IRF2BPL: variants seen among roughly 807,000 people sequenced by gnomAD.
IRF2BPL encodes the protein interferon regulatory factor 2 binding protein like, also known as probable E3 ubiquitin-protein ligase IRF2BPL.
Under a neutral mutation model 51.2 loss-of-function variants are expected in IRF2BPL, and 13 were observed. That is an observed-to-expected ratio of 0.25 (90% CI 0.17 to 0.40). IRF2BPL has a LOEUF of 0.40. Ranked by LOEUF, IRF2BPL falls within the 10% of genes least tolerant of loss-of-function variation. IRF2BPL has a pLI of 1.00. For synonymous variants in IRF2BPL, 768 were observed against 509.2 expected (o/e 1.51, Z -6.84); for missense variants, 1,210 against 1,111.8 (o/e 1.09, Z -1.26).
chr14:77,026,144 G>A lies in IRF2BPL; in HGVS notation c.1649C>T (p.Pro550Leu), dbSNP rs1255802573. 6.5e-6 allele frequency: 10 copies of A among 1,539,322 alleles called. No homozygotes were observed. In the Admixed American group the frequency reaches 1.7e-4, roughly 26 times the overall value. The change falls in exon 1 of 1, where the codon CCC becomes CTC. Residue 550 changes from proline (P) to leucine (L), a missense_variant. Coordinates refer to ENST00000238647, the MANE Select transcript of IRF2BPL (RefSeq NM_024496.4). Reference sequence around the variant, plus strand: ...CAGCGCGCCCTCGGCTGAGTCCGGGGGCTCCGGAGAGGCCTTTCTCTTGCG... The same window carrying A: ...CAGCGCGCCCTCGGCTGAGTCCGGGAGCTCCGGAGAGGCCTTTCTCTTGCG... ...SLRKRKASPE[P>L]PDSAEGALKL...
chr14:77,027,344 C>T lies in IRF2BPL; in HGVS notation c.449G>A (p.Gly150Asp). The T allele has an allele frequency of 6.5e-7, 1 of 1,528,670 alleles. No individual in the cohort carries two copies. 94.7% of individuals were successfully genotyped at this position (1,528,670 alleles called of 1,614,324 possible). ...GGCGGCGGCGGCGGCAGCGCTTAGG[C>T]CGTAGCGCTCCAGGCCAGACGGGGC... is the stretch of plus-strand genomic sequence containing the variant. The part of the protein sequence containing the change: ...LAAPSGLERY[G>D]LSAAAAAAAA... The change falls in exon 1 of 1, where the codon GGC becomes GAC. Residue 150 changes from glycine to aspartate, a missense_variant. Physicochemically the swap from Gly to Asp is moderately conservative, Grantham distance 94. Transcript: ENST00000238647.
At position 77,027,283 on chromosome 14, in the gene IRF2BPL, G is replaced by T; in HGVS notation, c.510C>A (p.Arg170=). Residue 170 remains arginine, a synonymous_variant, in exon 1 of 1, where the codon CGC becomes CGA. Transcript: ENST00000238647. ...TCACCGGCGGTGGCGGGTACTCGAA[G>T]CGGCTGCGCTGTTCCACCGCAGCGG... ...AAAAAVEQRS[R]FEYPPPPVSL... 6.4e-7 allele frequency: 1 copy of T among 1,573,076 alleles called. No individual in the cohort carries two copies. Among genetic ancestry groups the T allele is most frequent in the Non-Finnish European group, 8.6e-7 (1 of 1,166,448 alleles).
Position 77,026,142 on chromosome 14 carries a change from G to A in IRF2BPL, c.1651C>T (p.Pro551Ser). The A allele has an allele frequency of 1.3e-6, 2 of 1,547,288 alleles. No homozygotes were observed. The highest frequency in any genetic ancestry group is 2.4e-5 in the East Asian group (1 of 41,600). The change falls in exon 1 of 1, where the codon CCG becomes TCG. Residue 551 changes from proline (P) to serine (S), a missense_variant. Pro to Ser is a moderately conservative substitution (Grantham distance 74). Coordinates refer to ENST00000238647, the MANE Select transcript of IRF2BPL (RefSeq NM_024496.4). Reference sequence around the variant, plus strand: ...TTCAGCGCGCCCTCGGCTGAGTCCGGGGGCTCCGGAGAGGCCTTTCTCTTG... The same window carrying A: ...TTCAGCGCGCCCTCGGCTGAGTCCGAGGGCTCCGGAGAGGCCTTTCTCTTG... Reference protein sequence around the residue: ...LRKRKASPEPPDSAEGALKLG... With the variant: ...LRKRKASPEPSDSAEGALKLG...
rs773713245 is a variant in IRF2BPL at position 77,026,764 on chromosome 14, C to T, written c.1029G>A (p.Glu343=). 32 of 1,612,506 alleles carry T rather than the reference C, an allele frequency of 2.0e-5. 1 individual carries two copies. The South Asian group carries it at 3.1e-4, about 15-fold the overall frequency. The change falls in exon 1 of 1, where the codon GAG becomes GAA. Residue 343 remains glutamate (E), a synonymous_variant. Coordinates refer to ENST00000238647, the MANE Select transcript of IRF2BPL (RefSeq NM_024496.4). ...GSVSSTDQER[E]LKEKQRNAEA... ...CGGCGTTGCGCTGCTTCTCCTTCAACTCGCGCTCCTGGTCTGTGCTCGACA... is the reference window on the plus strand; with the variant it reads ...CGGCGTTGCGCTGCTTCTCCTTCAATTCGCGCTCCTGGTCTGTGCTCGACA...
At position 77,027,510 on chromosome 14, in the gene IRF2BPL, CTG is replaced by C. The variant is rs1491375368; in HGVS notation, c.281_282del (p.Ala94GlyfsTer38). 30 of 633,592 alleles carry C rather than the reference CTG, an allele frequency of 4.7e-5. 1 individual carries two copies. The highest frequency in any genetic ancestry group is 5.3e-5 in the Non-Finnish European group (27 of 505,006). The allele number at this position is 633,592 out of a possible 1,614,324, so 39.2% of individuals were successfully genotyped here. A position where few individuals can be genotyped will look rare whatever the true frequency, so the allele number is the denominator to read the frequency against. On this transcript the variant is annotated frameshift_variant, in exon 1 of 1. Coordinates refer to ENST00000238647, the MANE Select transcript of IRF2BPL (RefSeq NM_024496.4). LOFTEE classifies it high-confidence loss of function. ...TGCGCGGCGGCGGCGGCGGCCGCCG[CTG>C]CTGCCGCCGCCGCCGCCGCTTCCTT... ...SAKEAAAAAA[A>X]AAAAAAAAQQ...
rs1885145414 is a variant in IRF2BPL, at chr14:77,026,941, G to A, written c.852C>T (p.Pro284=). ...PPPHALGSRG[P]PTPAPPGAPG... The stretch of plus-strand genomic sequence containing the variant: ...GAGCCCCTGGGGGAGCAGGCGTCGG[G>A]GGCCCACGGCTGCCCAGGGCGTGGG... Residue 284 remains proline (P), a synonymous_variant, in exon 1 of 1, where the codon CCC becomes CCT. Transcript: ENST00000238647. The A allele has an allele frequency of 3.4e-6, 5 of 1,466,712 alleles. No individual in the cohort carries two copies. In the East Asian group the frequency reaches 7.4e-5, roughly 22 times the overall value. 90.9% of individuals were successfully genotyped at this position (1,466,712 alleles called of 1,614,324 possible). A position where few individuals can be genotyped will look rare whatever the true frequency, so the allele number is the denominator to read the frequency against.
Position 77,027,872 on chromosome 14 carries a change from G to A in IRF2BPL, c.-80C>T, listed in dbSNP as rs553641641. 183 of 1,409,110 alleles carry A rather than the reference G, an allele frequency of 1.3e-4. No individual in the cohort carries two copies. Among genetic ancestry groups the A allele is most frequent in the Admixed American group, 6.6e-4 (24 of 36,324 alleles). 87.3% of individuals were successfully genotyped at this position (1,409,110 alleles called of 1,614,324 possible). A position where few individuals can be genotyped will look rare whatever the true frequency, so the allele number is the denominator to read the frequency against. On this transcript the variant is annotated 5_prime_UTR_variant, in exon 1 of 1. Transcript: ENST00000238647. ...CTCCTCCGGGAGGACTGGCCGGCTG[G>A]GGAGGGAGTCCGACTGCGGGGGAGG...
Position 77,028,242 on chromosome 14 carries a change from C to T in IRF2BPL, c.-450G>A. 4.4e-6 allele frequency: 1 copy of T among 228,338 alleles called. No homozygotes were observed. Among genetic ancestry groups the T allele is most frequent in the Non-Finnish European group, 9.2e-6 (1 of 108,944 alleles). 14.1% of individuals were successfully genotyped at this position (228,338 alleles called of 1,614,324 possible). ...TCCCCGGGGACCCCCCTACGAGCTG[C>T]GTCCTCTCCCCGACGGGCCCCCTGG... is the stretch of plus-strand genomic sequence containing the variant. On this transcript the variant is annotated 5_prime_UTR_variant, in exon 1 of 1. Transcript: ENST00000238647.
Position 77,025,870 on chromosome 14 carries a change from C to T in IRF2BPL, c.1923G>A (p.Lys641=), listed in dbSNP as rs1045489697. The T allele has an allele frequency of 1.2e-6, 2 of 1,612,600 alleles. No individual in the cohort carries two copies. The highest frequency in any genetic ancestry group is 2.2e-5 in the East Asian group (1 of 44,858). Residue 641 remains lysine, a synonymous_variant, in exon 1 of 1, where the codon AAG becomes AAA. Transcript: ENST00000238647. The part of the protein sequence containing the change: ...ADTLGTAHSP[K]DGSSVHSTTA... Reference sequence around the variant, plus strand: ...TGGTAGAGTGCACGGAACTGCCATCCTTGGGCGAGTGCGCTGTGCCCAGAG... The same window carrying T: ...TGGTAGAGTGCACGGAACTGCCATCTTTGGGCGAGTGCGCTGTGCCCAGAG...
Position 77,027,754 on chromosome 14 carries a change from A to G in IRF2BPL, c.39T>C (p.Ser13=). ...TGCGGGGCAGGTCGCACAGGTAGCAAGATTGTCTCCGGGACGAGGACACCT... is the reference window on the plus strand; with the variant it reads ...TGCGGGGCAGGTCGCACAGGTAGCAGGATTGTCTCCGGGACGAGGACACCT... ...AAQVSSSRRQ[S]CYLCDLPRMP... The change falls in exon 1 of 1, where the codon TCT becomes TCC. Residue 13 remains serine (S), a synonymous_variant. Transcript: ENST00000238647. 2 of 1,599,374 alleles carry G rather than the reference A, an allele frequency of 1.3e-6. No homozygotes were observed. Among genetic ancestry groups the G allele is most frequent in the Non-Finnish European group, 1.7e-6 (2 of 1,172,948 alleles).
rs372582788 is a variant in IRF2BPL, at chr14:77,025,783, G to A, written c.2010C>T (p.Arg670=). 1.2e-5 allele frequency: 20 copies of A among 1,609,966 alleles called. No homozygotes were observed. Among genetic ancestry groups the A allele is most frequent in the Non-Finnish European group, 1.7e-5 (20 of 1,178,156 alleles). ...GGTCCCCGTTACGTGATGCCAAGCG[G>A]CGCTGCCCCGGCACGGAGGCCGGCG... ...PVSPASVPGQ[R]RLASRNGDLN... The change falls in exon 1 of 1, where the codon CGC becomes CGT. Residue 670 remains arginine, a synonymous_variant. Transcript: ENST00000238647.
Position 77,027,339 on chromosome 14 carries a change from T to G in IRF2BPL, c.454A>C (p.Ser152Arg). The change falls in exon 1 of 1, where the codon AGC becomes CGC. Residue 152 changes from serine to arginine, a missense_variant. By Grantham distance (110) the Ser-to-Arg change is moderately radical (BLOSUM62 -1). Coordinates refer to ENST00000238647, the MANE Select transcript of IRF2BPL (RefSeq NM_024496.4). ...APSGLERYGL[S>R]AAAAAAAAAA... ...GCGGCGGCGGCGGCGGCGGCAGCGC[T>G]TAGGCCGTAGCGCTCCAGGCCAGAC... is the stretch of plus-strand genomic sequence containing the variant. 6.6e-7 allele frequency: 1 copy of G among 1,524,824 alleles called. No individual in the cohort carries two copies. Among genetic ancestry groups the G allele is most frequent in the Non-Finnish European group, 8.8e-7 (1 of 1,140,768 alleles). The allele number at this position is 1,524,824 out of a possible 1,614,324, so 94.5% of individuals were successfully genotyped here. A position where few individuals can be genotyped will look rare whatever the true frequency, so the allele number is the denominator to read the frequency against.
chr14:77,026,622 G>A lies in IRF2BPL; in HGVS notation c.1171C>T (p.Arg391Cys), dbSNP rs1257576855. 6.2e-7 allele frequency: 1 copy of A among 1,613,798 alleles called. No homozygotes were observed. Among genetic ancestry groups the A allele is most frequent in the Non-Finnish European group, 8.5e-7 (1 of 1,180,004 alleles). ...AGCAGCGAGTGGTCCTTCTTGAAGCGAACCTCGTAGGGCGTGCAGCCTGCC... is the reference window on the plus strand; with the variant it reads ...AGCAGCGAGTGGTCCTTCTTGAAGCAAACCTCGTAGGGCGTGCAGCCTGCC... ...TLAGCTPYEV[R>C]FKKDHSLLGR... The change falls in exon 1 of 1, where the codon CGC (arginine) becomes TGC (cysteine). Residue 391 changes from arginine (R) to cysteine (C), a missense_variant. By Grantham distance (180) the Arg-to-Cys change is radical. Coordinates refer to ENST00000238647, the MANE Select transcript of IRF2BPL (RefSeq NM_024496.4).
Position 77,027,367 on chromosome 14 carries a change from G to C in IRF2BPL, c.426C>G (p.Ala142=), listed in dbSNP as rs774853021. ...GGCCGTAGCGCTCCAGGCCAGACGG[G>C]GCCGCCAGCACCGCAGGCTTGCTGG... ...DGSSKPAVLA[A]PSGLERYGLS... The change falls in exon 1 of 1, where the codon GCC becomes GCG. Residue 142 remains alanine, a synonymous_variant. Coordinates refer to ENST00000238647, the MANE Select transcript of IRF2BPL (RefSeq NM_024496.4). 2.0e-6 allele frequency: 3 copies of C among 1,507,834 alleles called. No homozygotes were observed. The highest frequency in any genetic ancestry group is 2.5e-5 in the South Asian group (2 of 80,622). 93.4% of individuals were successfully genotyped at this position (1,507,834 alleles called of 1,614,324 possible). A position where few individuals can be genotyped will look rare whatever the true frequency, so the allele number is the denominator to read the frequency against.
rs772297397 is a variant in IRF2BPL, at chr14:77,026,416, G to A, written c.1377C>T (p.Tyr459=). The A allele has an allele frequency of 1.2e-5, 20 of 1,613,244 alleles. No individual in the cohort carries two copies. Among genetic ancestry groups the A allele is most frequent in the Non-Finnish European group, 1.6e-5 (19 of 1,180,002 alleles). Residue 459 remains tyrosine (Y), a synonymous_variant, in exon 1 of 1, where the codon TAC becomes TAT. Coordinates refer to ENST00000238647, the MANE Select transcript of IRF2BPL (RefSeq NM_024496.4). ...AGCCGTGCTTCTTTTCGTACTCCAG[G>A]TACTTGAAACCCGAGGATAGGCCCC... ...FGRGLSSGFK[Y]LEYEKKHGSG...
In IRF2BPL at chr14:77,027,487, C is replaced by CTGTT; in HGVS notation, c.305_306insAACA (p.Gln103ThrfsTer31). 1 of 1,309,320 alleles carries CTGTT rather than the reference C, an allele frequency of 7.6e-7. No homozygotes were observed. The highest frequency in any genetic ancestry group is 2.0e-5 in the South Asian group (1 of 51,094). The allele number at this position is 1,309,320 out of a possible 1,614,324, so 81.1% of individuals were successfully genotyped here. The stretch of plus-strand genomic sequence containing the variant: ...GCTGCTGCTGTTGCTGTTGCTGTTG[C>CTGTT]GCGGCGGCGGCGGCGGCCGCCGCTG... On this transcript the variant is annotated frameshift_variant, in exon 1 of 1. Coordinates refer to ENST00000238647, the MANE Select transcript of IRF2BPL (RefSeq NM_024496.4). LOFTEE classifies it high-confidence loss of function.
At position 77,027,731 on chromosome 14, in the gene IRF2BPL, C is replaced by T; in HGVS notation, c.62G>A (p.Arg21His). The T allele has an allele frequency of 6.2e-7, 1 of 1,606,420 alleles. No individual in the cohort carries two copies. The highest frequency in any genetic ancestry group is 8.5e-7 in the Non-Finnish European group (1 of 1,176,766). Reference sequence around the variant, plus strand: ...GTCCCAGATCATGGCCCAGGGCATGCGGGGCAGGTCGCACAGGTAGCAAGA... The same window carrying T: ...GTCCCAGATCATGGCCCAGGGCATGTGGGGCAGGTCGCACAGGTAGCAAGA... ...RQSCYLCDLP[R>H]MPWAMIWDFS... Residue 21 changes from arginine (R) to histidine (H), a missense_variant, in exon 1 of 1, where the codon CGC (arginine) becomes CAC (histidine). Coordinates refer to ENST00000238647, the MANE Select transcript of IRF2BPL (RefSeq NM_024496.4).
chr14:77,027,124 C>T lies in IRF2BPL; in HGVS notation c.669G>A (p.Ala223=), dbSNP rs1476118191. Residue 223 remains alanine, a synonymous_variant, in exon 1 of 1, where the codon GCG becomes GCA. Transcript: ENST00000238647. ...GCGTTCCACGCCGAGACGCCACCGACGCCGCCGCTGAAGAAGAATTGGGGC... is the reference window on the plus strand; with the variant it reads ...GCGTTCCACGCCGAGACGCCACCGATGCCGCCGCTGAAGAAGAATTGGGGC... ...RQSPNSSSAA[A]SVASRRGTHG... is the part of the protein sequence containing the mutation. 5.0e-6 allele frequency: 8 copies of T among 1,612,188 alleles called. No homozygotes were observed. The highest frequency in any genetic ancestry group is 2.2e-5 in the East Asian group (1 of 44,848).
chr14:77,027,921 T>A lies in IRF2BPL; in HGVS notation c.-129A>T. ...GGGAGGAGGGGGGGCGAGAAAGTTC[T>A]GCCCCAGGGGCTGGAGGGAACGCGA... On this transcript the variant is annotated 5_prime_UTR_variant, in exon 1 of 1. Transcript: ENST00000238647. 8.4e-7 allele frequency: 1 copy of A among 1,193,334 alleles called. No individual in the cohort carries two copies. The highest frequency in any genetic ancestry group is 1.1e-6 in the Non-Finnish European group (1 of 897,692). 73.9% of individuals were successfully genotyped at this position (1,193,334 alleles called of 1,614,324 possible).
Sources: allele counts gnomAD v4.1 joint callset, GRCh38; gene constraint gnomAD v4.1.1; transcripts MANE v1.5; gene names NCBI Gene and HGNC (gene_info 2026-07-23, HGNC 2026-07-21).